Variants in RBM20 observed in about 807,000 individuals in gnomAD.
The protein encoded by RBM20 is RNA binding motif protein 20, also known as RNA-binding protein 20.
Under a neutral mutation model 110.1 loss-of-function variants are expected in RBM20, and 51 were observed. The ratio of observed to expected loss-of-function variants is 0.46; its 90% CI spans 0.37 to 0.59. The LOEUF (loss-of-function observed/expected upper bound fraction) is 0.59, where lower values mean the gene tolerates loss of function less well. RBM20 is among the 20% of genes least tolerant of loss of function. The pLI, the probability that RBM20 is intolerant of heterozygous loss-of-function variation, is 0.00. For missense variants in RBM20, 1,512 were observed against 1,574.9 expected (o/e 0.96, Z 0.68); for synonymous variants, 589 against 618.2 (o/e 0.95, Z 0.70).
intron 7 of RBM20, among the ~76,000 whole-genome samples, chr10:110,801,017 A>C (rs1247477445): frequency 6.6e-6 from 1 of 152,238 alleles, no homozygotes; most frequent in African/African-American, 2.4e-5. Context: ...CTAGAGGTAC[A>C]TACATAACTA....
At chr10:110,816,084 C>T (rs1247735712) in intron 9 of RBM20, among the ~76,000 whole-genome samples, 1 of 152,172 alleles carries the variant, frequency 6.6e-6, no homozygotes, top group African/African-American at 2.4e-5. Flanking sequence ...GGCAGCAGGG[C>T]TTGCTGTTCT....
In RBM20 at chr10:110,783,770, T is replaced by C. The variant is rs1431412369; in HGVS notation, c.1337+343T>C. ...CTTACTATTTTAAATACTTTGAAAA[T>C]ACTTTGAAGTATACAATTCAGTGGC... is the stretch of plus-strand genomic sequence containing the variant. On this transcript the variant is annotated intron_variant, in intron 3 of 13. Coordinates refer to ENST00000369519, the MANE Select transcript of RBM20 (RefSeq NM_001134363.3). Among the ~76,000 whole-genome samples the C allele has an allele frequency of 3.3e-5, 5 of 152,226 alleles. No homozygotes were observed. The South Asian group carries it at 1.0e-3, about 32-fold the overall frequency.
chr10:110,729,812 T>C (rs1279278826), intron 1 of RBM20, among the ~76,000 whole-genome samples: 1 of 152,166 alleles, frequency 6.6e-6, no homozygotes, highest in African/African-American at 2.4e-5. Flanking sequence ...ATGTCATTTC[T>C]TCCCCCTTTT....
chr10:110,656,466 ATGTGTG>A lies in RBM20; in HGVS notation c.191+11837_191+11842del, dbSNP rs35325396. Among the ~76,000 whole-genome samples the A allele has an allele frequency of 2.7e-5, 4 of 147,844 alleles. No homozygotes were observed. The South Asian group carries it at 6.4e-4, about 24-fold the overall frequency. ...ACAAATGAAATCCAAGTATGTACTC[ATGTGTG>A]TGTGTGTGTGTGTGTCTTCTTTCAC... On this transcript the variant is annotated intron_variant, in intron 1 of 13. Coordinates refer to ENST00000369519, the MANE Select transcript of RBM20 (RefSeq NM_001134363.3).
intron 12 of RBM20, among the ~76,000 whole-genome samples, chr10:110,824,592 G>A (rs1475878197): frequency 6.6e-6 from 1 of 152,128 alleles, no homozygotes; most frequent in Non-Finnish European, 1.5e-5. Flanking sequence ...AAGTGGGGAG[G>A]GAGTTTACTG....
intron 1 of RBM20, among the ~76,000 whole-genome samples, chr10:110,753,312 ACT>A (rs1843882785): frequency 6.6e-6 from 1 of 152,010 alleles, no homozygotes; most frequent in African/African-American, 2.4e-5. Flanking sequence ...TCCTTGGAAC[ACT>A]CTAAAAATGT....
At position 110,803,522 on chromosome 10, in the gene RBM20, G is replaced by A. The variant is rs562876959; in HGVS notation, c.1800+3604G>A. On this transcript the variant is annotated intron_variant, in intron 7 of 13. Coordinates refer to ENST00000369519, the MANE Select transcript of RBM20 (RefSeq NM_001134363.3). ...AGTGCTGTTATTGCGTATTTCTAAC[G>A]AGGTCCCAGGAGATGCTGCTGCTGG... Among the ~76,000 whole-genome samples, 18 of 152,194 alleles carry A rather than the reference G, an allele frequency of 1.2e-4. No homozygotes were observed. In the East Asian group the frequency reaches 1.3e-3, roughly 11 times the overall value.
Position 110,781,657 on chromosome 10 carries a change from T to C in RBM20, c.1048T>C (p.Tyr350His). The change falls in exon 2 of 14, where the codon TAC becomes CAC. Residue 350 changes from tyrosine to histidine, a missense_variant. Transcript: ENST00000369519. The stretch of plus-strand genomic sequence containing the variant: ...ACCCCACAACCAGCCCTATGAGCTG[T>C]ACGACCCCGAGGAACCAACCTCAGA... ...PPPHNQPYEL[Y>H]DPEEPTSDRT... is the part of the protein sequence containing the mutation. 1 of 1,548,598 alleles carries C rather than the reference T, an allele frequency of 6.5e-7. No homozygotes were observed. The highest frequency in any genetic ancestry group is 1.2e-5 in the South Asian group (1 of 83,796).
intron 7 of RBM20, among the ~76,000 whole-genome samples, chr10:110,808,200 C>A (rs1247419119): frequency 6.6e-6 from 1 of 152,238 alleles, no homozygotes; most frequent in East Asian, 1.9e-4. Flanking sequence ...CTTCTTCTAC[C>A]CCAAGTGACA....
chr10:110,812,642 GT>G lies in RBM20; in HGVS notation c.2246del (p.Val749GlyfsTer24). On this transcript the variant is annotated frameshift_variant, in exon 9 of 14. Coordinates refer to ENST00000369519, the MANE Select transcript of RBM20 (RefSeq NM_001134363.3). LOFTEE classifies it high-confidence loss of function. The part of the protein sequence containing the change: ...RSGSPNLPHS[V>X]SSYKSREDGY... ...TGGGTCTCCCAACCTGCCCCACTCTGTGTCCAGCTACAAAAGCCGTGAAGAC... is the reference window on the plus strand; with the variant it reads ...TGGGTCTCCCAACCTGCCCCACTCTGGTCCAGCTACAAAAGCCGTGAAGAC... 1 of 1,551,702 alleles carries G rather than the reference GT, an allele frequency of 6.4e-7. No homozygotes were observed. Among genetic ancestry groups the G allele is most frequent in the Non-Finnish European group, 8.7e-7 (1 of 1,147,004 alleles).
chr10:110,650,622 T>C (rs1590594891), intron 1 of RBM20, among the ~76,000 whole-genome samples: 1 of 152,330 alleles, frequency 6.6e-6, no homozygotes, highest in East Asian at 1.9e-4. Flanking sequence ...GCTTCTGCCT[T>C]TTCTTTGCAC....
chr10:110,688,059 AAGG>A (rs1862532407), intron 1 of RBM20, among the ~76,000 whole-genome samples: 1 of 151,098 alleles, frequency 6.6e-6, no homozygotes, highest in Non-Finnish European at 1.5e-5. Context: ...GTGTTTTAAA[AAGG>A]AGAGAGAGAA....
At chr10:110,737,629 T>TTC (rs1251142731) in intron 1 of RBM20, among the ~76,000 whole-genome samples, 1 of 151,842 alleles carries the variant, frequency 6.6e-6, no homozygotes, top group African/African-American at 2.4e-5. Flanking sequence ...GCCTTTTTTT[T>TTC]TTTGAGTTTA....
At chr10:110,788,352 C>A (rs1844445802) in intron 5 of RBM20, among the ~76,000 whole-genome samples, 1 of 152,238 alleles carries the variant, frequency 6.6e-6, no homozygotes, top group Non-Finnish European at 1.5e-5. Context: ...CTTCTGCACC[C>A]TGACAGCATC....
intron 5 of RBM20, among the ~76,000 whole-genome samples, chr10:110,785,828 TTA>T (rs932461439): frequency 4.6e-5 from 7 of 152,194 alleles, no homozygotes; most frequent in Non-Finnish European, 8.8e-5. Flanking sequence ...TTGGAGCTTT[TTA>T]TGTTTTTTTA....
chr10:110,678,114 A>T (rs377040393), intron 1 of RBM20, among the ~76,000 whole-genome samples: 18 of 152,330 alleles, frequency 1.2e-4, no homozygotes, highest in African/African-American at 4.3e-4. Context: ...AAACTGGGAT[A>T]AATAATATTA....
chr10:110,807,542 A>C (rs373078629), intron 7 of RBM20, among the ~76,000 whole-genome samples: 175 of 152,306 alleles, frequency 1.1e-3, no homozygotes, highest in African/African-American at 3.9e-3. Flanking sequence ...GAAGGGACCA[A>C]GAGCTCGTGG....
Position 110,821,943 on chromosome 10 carries a change from T to C in RBM20, c.3316+8T>C, listed in dbSNP as rs1223878303. On this transcript the variant is annotated splice_region_variant and intron_variant, in intron 11 of 13. Transcript: ENST00000369519. ...AAGAAGTGTTGACCCCGGGTAACTA[T>C]CTCCCCTTTCCTCACGGGTGGTCGG... The C allele has an allele frequency of 3.5e-5, 54 of 1,551,332 alleles. No homozygotes were observed. Among genetic ancestry groups the C allele is most frequent in the Non-Finnish European group, 4.5e-5 (52 of 1,146,878 alleles).
At chr10:110,731,695 T>C (rs1166013207) in intron 1 of RBM20, among the ~76,000 whole-genome samples, 5 of 152,166 alleles carry the variant, frequency 3.3e-5, no homozygotes, top group African/African-American at 1.2e-4. Flanking sequence ...TTTCTGAGAG[T>C]GTGCTAATGA....
Sources: gnomAD v4.1 joint callset for allele counts (sites outside exome capture counted in the v4.1 genomes callset) on GRCh38, gnomAD v4.1.1 for gene constraint, MANE v1.5 for transcripts, NCBI Gene and HGNC (gene_info 2026-07-23, HGNC 2026-07-21) for gene names.